PPP1R12A: variants seen among roughly 807,000 people sequenced by gnomAD.
The protein encoded by PPP1R12A is protein phosphatase 1 regulatory subunit 12A, also known as myosin binding subunit.
Under a neutral mutation model 139.6 loss-of-function variants are expected in PPP1R12A, and 19 were observed. That is an observed-to-expected ratio of 0.14 (90% CI 0.09 to 0.20). PPP1R12A has a LOEUF of 0.20. Ranked by LOEUF, PPP1R12A falls within the 10% of genes least tolerant of loss-of-function variation. PPP1R12A has a pLI of 1.00. For synonymous variants in PPP1R12A, 427 were observed against 420.6 expected (o/e 1.02, Z -0.19); for missense variants, 925 against 1,211.5 (o/e 0.76, Z 3.51).
At chr12:79,777,711 T>A in intron 24 of PPP1R12A, 1 of 894,044 alleles carries the variant, frequency 1.1e-6, no homozygotes, top group Non-Finnish European at 1.3e-6. Context: ...GAAAAGAGTA[T>A]AATAAGAATG....
intron 5 of PPP1R12A, among the ~76,000 whole-genome samples, chr12:79,827,603 T>C (rs1352030272): frequency 6.6e-6 from 1 of 152,170 alleles, no homozygotes; most frequent in African/African-American, 2.4e-5. Flanking sequence ...ACTGATAGTG[T>C]ATCTAAAAAG....
chr12:79,908,082 G>A (rs1381453848), intron 1 of PPP1R12A, among the ~76,000 whole-genome samples: 1 of 152,042 alleles, frequency 6.6e-6, no homozygotes, highest in Admixed American at 6.6e-5. Flanking sequence ...CATAAGAATG[G>A]GTATCTGGGG....
upstream of PPP1R12A, chr12:79,935,176 G>T (rs1250054185): frequency 9.7e-6 from 13 of 1,334,300 alleles, no homozygotes; most frequent in Non-Finnish European, 1.2e-5. Flanking sequence ...ACCCGTCACC[G>T]GCGGCCAATC....
intron 9 of PPP1R12A, 128 bp from the exon 10 acceptor site, chr12:79,810,138 T>C (rs951068788): frequency 2.7e-6 from 2 of 748,140 alleles, no homozygotes; most frequent in Admixed American, 3.1e-5. Context: ...GATAAAACAC[T>C]TTTACTACAT....
chr12:79,779,683 G>C (rs1361238993), intron 23 of PPP1R12A: 7 of 256,086 alleles, frequency 2.7e-5, no homozygotes, highest in African/African-American at 1.5e-4. Flanking sequence ...CACATAAAGT[G>C]TCATATTTGA....
In PPP1R12A at chr12:79,932,279, T is replaced by C. The variant is rs185660654; in HGVS notation, c.237+2416A>G. Among the ~76,000 whole-genome samples, 5 of 152,254 alleles carry C rather than the reference T, an allele frequency of 3.3e-5. No individual in the cohort carries two copies. In the East Asian group the frequency reaches 9.6e-4, roughly 29 times the overall value. On this transcript the variant is annotated intron_variant, in intron 1 of 24. Transcript: ENST00000450142. The stretch of plus-strand genomic sequence containing the variant: ...GATTTCTTAAAGGCTTAAAATTTTC[T>C]TGTGTGTGTGTGGTTTTTAATTTTA...
At chr12:79,861,175 A>T (rs533696221) in intron 2 of PPP1R12A, among the ~76,000 whole-genome samples, 1 of 152,204 alleles carries the variant, frequency 6.6e-6, no homozygotes. Context: ...TTGCAATACC[A>T]AAGAGTAAGG....
intron 1 of PPP1R12A, among the ~76,000 whole-genome samples, chr12:79,882,292 CATTGGTG>C (rs557391092): frequency 6.6e-6 from 1 of 152,138 alleles, no homozygotes; most frequent in Non-Finnish European, 1.5e-5. Flanking sequence ...CTATTAAGAA[CATTGGTG>C]ATTCATGGAA....
intron 1 of PPP1R12A, among the ~76,000 whole-genome samples, chr12:79,919,894 C>A (rs1188796958): frequency 6.6e-6 from 1 of 152,144 alleles, no homozygotes; most frequent in African/African-American, 2.4e-5. Context: ...GTTTGAGATA[C>A]CATTCACATA....
At chr12:79,872,194 G>T (rs760777745) in intron 2 of PPP1R12A, among the ~76,000 whole-genome samples, 17 of 152,040 alleles carry the variant, frequency 1.1e-4, no homozygotes, top group Non-Finnish European at 2.2e-4. Flanking sequence ...ACTGTTTACT[G>T]TGTGGATAGA....
At chr12:79,826,645 A>C (rs1876812489) in intron 5 of PPP1R12A, among the ~76,000 whole-genome samples, 1 of 152,040 alleles carries the variant, frequency 6.6e-6, no homozygotes. Context: ...TTTTACATGC[A>C]CTCCTTCTCT....
intron 6 of PPP1R12A, among the ~76,000 whole-genome samples, chr12:79,821,478 C>T (rs547448437): frequency 3.9e-4 from 59 of 152,226 alleles, no homozygotes; most frequent in African/African-American, 1.3e-3. Flanking sequence ...TCTGGCTGGG[C>T]GCAGTGGCTC....
intron 1 of PPP1R12A, among the ~76,000 whole-genome samples, chr12:79,915,893 T>C (rs761096410): frequency 2.8e-4 from 43 of 152,094 alleles, no homozygotes; most frequent in Middle Eastern, 3.2e-3. Flanking sequence ...TTTTGTCATG[T>C]TAACCGTAAA....
chr12:79,814,522 A>G (rs971785798), intron 9 of PPP1R12A, among the ~76,000 whole-genome samples: 3 of 148,928 alleles, frequency 2.0e-5, no homozygotes, highest in African/African-American at 7.4e-5. Flanking sequence ...CTTCATTAAA[A>G]AAAAAATTTC....
At chr12:79,809,717 G>A (rs1592648028) in intron 10 of PPP1R12A, 78 bp downstream of exon 10, 1 of 1,171,510 alleles carries the variant, frequency 8.5e-7, no homozygotes, top group Middle Eastern at 2.0e-4. Context: ...ATAACTAGCA[G>A]AAAATCTACC....
chr12:79,935,213 G>C (rs961388097), upstream of PPP1R12A: 1 of 1,294,964 alleles, frequency 7.7e-7, no homozygotes, highest in African/African-American at 1.5e-5. Context: ...GATCCGGACT[G>C]GGAGGCGCCC....
intron 1 of PPP1R12A, among the ~76,000 whole-genome samples, chr12:79,898,398 G>A (rs1885327020): frequency 1.3e-5 from 2 of 152,210 alleles, no homozygotes; most frequent in Admixed American, 6.5e-5. Flanking sequence ...GGAGGTTGCA[G>A]TGAGCCGAGA....
chr12:79,797,580 C>T (rs1353871578), intron 15 of PPP1R12A, among the ~76,000 whole-genome samples, 185 bp from the exon 16 acceptor site: 1 of 152,050 alleles, frequency 6.6e-6, no homozygotes, highest in Non-Finnish European at 1.5e-5. Flanking sequence ...GCAAGCACAA[C>T]GATAGGTACT....
At chr12:79,885,069 C>T (rs1341315058) in intron 1 of PPP1R12A, among the ~76,000 whole-genome samples, 1 of 152,112 alleles carries the variant, frequency 6.6e-6, no homozygotes, top group Admixed American at 6.6e-5. Context: ...AACTTGCCAT[C>T]ACAAAACAAG....
Sources: gnomAD v4.1 joint callset for allele counts (sites outside exome capture counted in the v4.1 genomes callset) on GRCh38, gnomAD v4.1.1 for gene constraint, MANE v1.5 for transcripts, NCBI Gene and HGNC (gene_info 2026-07-23, HGNC 2026-07-21) for gene names.